Variants in CREBBP observed in about 807,000 individuals in gnomAD.
CREBBP encodes CREB-binding protein.
Under a neutral mutation model 265.0 loss-of-function variants are expected in CREBBP, and 19 were observed. That is an observed-to-expected ratio of 0.07 (90% confidence interval 0.05 to 0.11). CREBBP has a LOEUF of 0.11. Ranked by LOEUF, CREBBP falls within the 10% of genes least tolerant of loss-of-function variation. The pLI, the probability that CREBBP is intolerant of heterozygous loss-of-function variation, is 1.00. For synonymous variants in CREBBP, 1,457 were observed against 1,223.7 expected, an observed-to-expected ratio of 1.19 and a Z score of -3.98; for missense variants, 2,525 against 3,219.0, an observed-to-expected ratio of 0.78 and a Z score of 5.22.
chr16:3,733,484 G>C (rs2051972110), intron 28 of CREBBP, among the ~76,000 whole-genome samples: 1 of 152,026 alleles, frequency 6.6e-6, no homozygotes, highest in Admixed American at 6.6e-5. Flanking sequence ...GAGGAAATTG[G>C]AACGAAGTGT....
intron 5 of CREBBP, among the ~76,000 whole-genome samples, chr16:3,785,070 T>C (rs1440975778): frequency 1.3e-5 from 2 of 152,220 alleles, no homozygotes; most frequent in Admixed American, 6.5e-5. Flanking sequence ...GAAGTCCAAA[T>C]GATGCTATTA....
At chr16:3,814,517 C>A (rs1252758840) in intron 2 of CREBBP, among the ~76,000 whole-genome samples, 3 of 152,048 alleles carry the variant, frequency 2.0e-5, no homozygotes. Context: ...CAAGCCTCCC[C>A]AGGTGTTGGG....
chr16:3,867,935 A>C (rs1308063677), intron 1 of CREBBP, among the ~76,000 whole-genome samples: 1 of 152,112 alleles, frequency 6.6e-6, no homozygotes, highest in East Asian at 1.9e-4. Context: ...CAAAATAAAT[A>C]AAAATAAATT....
Position 3,778,648 on chromosome 16 carries a change from G to A in CREBBP, c.1941+52C>T. The A allele has an allele frequency of 2.3e-6, 3 of 1,326,398 alleles. No individual in the cohort carries two copies. In the South Asian group the frequency reaches 3.5e-5, roughly 16 times the overall value. The allele number at this position is 1,326,398 out of a possible 1,614,324, so 82.2% of individuals were successfully genotyped here. A position where few individuals can be genotyped will look rare whatever the true frequency, so the allele number is the denominator to read the frequency against. On this transcript the variant is annotated intron_variant, in intron 9 of 30. Coordinates refer to ENST00000262367, the MANE Select transcript of CREBBP (RefSeq NM_004380.3). ...AGATAACAAAGCAGACAAATGTAGT[G>A]CTGTCTACTACAGATGCTGTAGAGG...
chr16:3,741,225 C>G (rs1159258348), intron 23 of CREBBP: 1 of 163,336 alleles, frequency 6.1e-6, no homozygotes, highest in Non-Finnish European at 1.4e-5. Flanking sequence ...CAGGACATTA[C>G]TTCAGGACAG....
intron 13 of CREBBP, among the ~76,000 whole-genome samples, chr16:3,771,229 C>T (rs1454735590): frequency 6.6e-6 from 1 of 152,060 alleles, no homozygotes; most frequent in Non-Finnish European, 1.5e-5. Flanking sequence ...TCACCACGCC[C>T]AGCTAATTTT....
At position 3,879,930 on chromosome 16, in the gene CREBBP, C is replaced by G. The variant is rs371549298; in HGVS notation, c.-14G>C. 6.2e-7 allele frequency: 1 copy of G among 1,609,420 alleles called. No homozygotes were observed. Among genetic ancestry groups the G allele is most frequent in the Admixed American group, 1.7e-5 (1 of 59,696 alleles). ...GTTCTCAGCCATTTTCACCTGCTCG[C>G]GAAAACAGCCCCGGGCACGGGCGGC... On this transcript the variant is annotated 5_prime_UTR_variant, in exon 1 of 31. Transcript: ENST00000262367.
At chr16:3,757,738 ATAT>A (rs1488101177) in intron 18 of CREBBP, 68 bp downstream of exon 18, 3 of 1,599,782 alleles carry the variant, frequency 1.9e-6, no homozygotes, top group Non-Finnish European at 1.7e-6. Flanking sequence ...GCGTGGTCTC[ATAT>A]TAGTATAACA....
chr16:3,786,039 CACAA>C (rs2053379709), intron 5 of CREBBP, among the ~76,000 whole-genome samples: 1 of 152,254 alleles, frequency 6.6e-6, no homozygotes, highest in Non-Finnish European at 1.5e-5. Flanking sequence ...ACTCTTCATG[CACAA>C]ACAATGTTCC....
chr16:3,774,968 C>A (rs985053266), intron 11 of CREBBP, among the ~76,000 whole-genome samples: 2 of 152,082 alleles, frequency 1.3e-5, no homozygotes, highest in African/African-American at 4.8e-5. Context: ...AAGACAGGAA[C>A]AAGTGAGACA....
intron 1 of CREBBP, among the ~76,000 whole-genome samples, chr16:3,856,209 T>G (rs2054960751): frequency 6.6e-6 from 1 of 152,268 alleles, no homozygotes; most frequent in South Asian, 2.1e-4. Context: ...CACTGTATCC[T>G]CAAACTCCTG....
At chr16:3,777,773 A>G in intron 10 of CREBBP, 116 bp from the exon 11 acceptor site, 2 of 1,273,406 alleles carry the variant, frequency 1.6e-6, no homozygotes, top group Non-Finnish European at 2.3e-6. Context: ...AAAACAGCCA[A>G]TAGGTCCAAA....
At position 3,725,961 on chromosome 16, in the gene CREBBP, C is replaced by T. The variant is rs150224533; in HGVS notation, c.*1757G>A. The T allele has an allele frequency of 0.011, 2,520 of 233,014 alleles. 35 individuals are homozygous for T. Among genetic ancestry groups the T allele is most frequent in the South Asian group, 0.052 (287 of 5,512 alleles). 14.4% of individuals were successfully genotyped at this position (233,014 alleles called of 1,614,324 possible). A position where few individuals can be genotyped will look rare whatever the true frequency, so the allele number is the denominator to read the frequency against. ...GCCCATGGTCCTCCTCTCAGTTTTA[C>T]GGTTTTTGTGAACTTGTCTCACCCA... On this transcript the variant is annotated 3_prime_UTR_variant, in exon 31 of 31. Transcript: ENST00000262367.
intron 1 of CREBBP, among the ~76,000 whole-genome samples, chr16:3,861,897 G>C (rs1287643915): frequency 6.6e-6 from 1 of 151,876 alleles, no homozygotes; most frequent in Non-Finnish European, 1.5e-5. Context: ...ACTTCATTCT[G>C]AACAGTGATC....
Position 3,769,180 on chromosome 16 carries a change from C to A in CREBBP, c.3054G>T (p.Arg1018Ser), listed in dbSNP as rs2141190105. 1 of 1,614,124 alleles carries A rather than the reference C, an allele frequency of 6.2e-7. No individual in the cohort carries two copies. The highest frequency in any genetic ancestry group is 8.5e-7 in the Non-Finnish European group (1 of 1,180,038). The change falls in exon 15 of 31, where the codon AGG becomes AGT. Residue 1018 changes from arginine to serine, a missense_variant. Around this residue, in one of 19 missense-constraint regions of CREBBP, gnomAD observed 548 missense variants for 533.0 expected, o/e 1.03. Coordinates refer to ENST00000262367, the MANE Select transcript of CREBBP (RefSeq NM_004380.3). ...CCTAGGGAGCGGCACCCACCTCAGACCTGGGCTCCCCTTTGGATTCACCAG... is the reference window on the plus strand; with the variant it reads ...CCTAGGGAGCGGCACCCACCTCAGAACTGGGCTCCCCTTTGGATTCACCAG... ...PDPGESKGEP[R>S]SEMMEEDLQG... is the part of the protein sequence containing the mutation.
intron 2 of CREBBP, among the ~76,000 whole-genome samples, chr16:3,819,965 A>C (rs879799606): frequency 3.9e-5 from 6 of 152,226 alleles, no homozygotes; most frequent in Non-Finnish European, 7.3e-5. Flanking sequence ...CATATTTTTC[A>C]AGCTGGAGTT....
intron 1 of CREBBP, among the ~76,000 whole-genome samples, chr16:3,877,267 A>G (rs2055422208): frequency 6.6e-6 from 1 of 152,216 alleles, no homozygotes; most frequent in East Asian, 1.9e-4. Context: ...GGTCTGTCCC[A>G]CCTAACCAAA....
chr16:3,751,925 G>T, intron 19 of CREBBP, 119 bp from the exon 20 acceptor site: 1 of 885,456 alleles, frequency 1.1e-6, no homozygotes, highest in Non-Finnish European at 1.9e-6. Context: ...GGCGTTGTTG[G>T]TTGATTGATG....
rs117083982 is a variant in CREBBP at position 3,854,838 on chromosome 16, T to C, written c.86-3829A>G. Among the ~76,000 whole-genome samples the C allele has an allele frequency of 2.0e-4, 31 of 152,376 alleles. No individual in the cohort carries two copies. In the East Asian group the frequency reaches 5.8e-3, roughly 28 times the overall value. On this transcript the variant is annotated intron_variant, in intron 1 of 30. Transcript: ENST00000262367. The stretch of plus-strand genomic sequence containing the variant: ...AACCACGTCTAACACACACTTGTTA[T>C]CTTCCCACCTGTCTGTAAGGAATGA...
Sources: gnomAD v4.1 joint callset for allele counts (sites outside exome capture counted in the v4.1 genomes callset) on GRCh38, gnomAD v4.1.1 for gene constraint, gnomAD v4.1.1 regional missense constraint, MANE v1.5 for transcripts, NCBI Gene and HGNC (gene_info 2026-07-23, HGNC 2026-07-21) for gene names.